CTTNBP2NL: variants seen among roughly 807,000 people sequenced by gnomAD.
CTTNBP2NL encodes CTTNBP2 N-terminal like, also known as CTTNBP2 N-terminal-like protein.
CTTNBP2NL carries 16 observed loss-of-function variants against 32.5 expected under a neutral mutation model. The ratio of observed to expected loss-of-function variants is 0.49; its 90% CI spans 0.33 to 0.75. The LOEUF is 0.75. Among genes scored for constraint, CTTNBP2NL ranks in the 30% least tolerant of loss-of-function variants. The pLI, the probability that CTTNBP2NL is intolerant of heterozygous loss-of-function variation, is 0.02. For missense variants in CTTNBP2NL, 645 were observed against 756.0 expected, an observed-to-expected ratio of 0.85 and a Z score of 1.72; for synonymous variants, 298 against 289.4, an observed-to-expected ratio of 1.03 and a Z score of -0.30.
intron 3 of CTTNBP2NL, among the ~76,000 whole-genome samples, chr1:112,430,945 A>G (rs1649551962): frequency 6.6e-6 from 1 of 152,196 alleles, no homozygotes; most frequent in Non-Finnish European, 1.5e-5. Flanking sequence ...TTATCATGTC[A>G]TCATTCATAT....
At chr1:112,420,262 C>T (rs575322818) in intron 3 of CTTNBP2NL, among the ~76,000 whole-genome samples, 1 of 151,232 alleles carries the variant, frequency 6.6e-6, no homozygotes, top group South Asian at 2.1e-4. Flanking sequence ...TCTCCTGTCT[C>T]AGCCTCCGAG....
In CTTNBP2NL at chr1:112,435,014, G is replaced by A. The variant is rs983682305; in HGVS notation, c.100-13928G>A. Among the ~76,000 whole-genome samples, 47 of 151,740 alleles carry A rather than the reference G, an allele frequency of 3.1e-4. 1 individual carries two copies. Among genetic ancestry groups the A allele is most frequent in the Admixed American group, 3.1e-3 (47 of 15,212 alleles). ...AAAAATTAGCCACACATGGTGGCAC[G>A]CACCTGTAATCCCAGCTACTCTGGA... On this transcript the variant is annotated intron_variant, in intron 3 of 5. Coordinates refer to ENST00000271277, the MANE Select transcript of CTTNBP2NL (RefSeq NM_018704.3).
chr1:112,442,672 A>G (rs1017970260), intron 3 of CTTNBP2NL, among the ~76,000 whole-genome samples: 2 of 152,082 alleles, frequency 1.3e-5, no homozygotes, highest in African/African-American at 4.8e-5. Context: ...TGAAACAGCT[A>G]CATTATTCTG....
intron 3 of CTTNBP2NL, among the ~76,000 whole-genome samples, chr1:112,444,351 T>C (rs2101026648): frequency 6.6e-6 from 1 of 152,322 alleles, no homozygotes; most frequent in East Asian, 1.9e-4. Context: ...TATTTCCTTT[T>C]GAAGTTAGGA....
At chr1:112,435,161 A>AG (rs1265055055) in intron 3 of CTTNBP2NL, among the ~76,000 whole-genome samples, 1 of 151,010 alleles carries the variant, frequency 6.6e-6, no homozygotes, top group East Asian at 1.9e-4. Context: ...AAAAAAAAAA[A>AG]AAGAAGTGTA....
At chr1:112,433,348 C>CT (rs1649630157) in intron 3 of CTTNBP2NL, among the ~76,000 whole-genome samples, 1 of 152,164 alleles carries the variant, frequency 6.6e-6, no homozygotes, top group African/African-American at 2.4e-5. Flanking sequence ...AATCCCAGCA[C>CT]TTTGGGAGGC....
At chr1:112,439,911 T>C (rs971308676) in intron 3 of CTTNBP2NL, among the ~76,000 whole-genome samples, 1 of 152,234 alleles carries the variant, frequency 6.6e-6, no homozygotes, top group Non-Finnish European at 1.5e-5. Context: ...CTCAAATAAA[T>C]TGTACTTGGT....
intron 3 of CTTNBP2NL, among the ~76,000 whole-genome samples, chr1:112,426,605 CTTT>C (rs35801433): frequency 2.3e-5 from 3 of 129,588 alleles, no homozygotes; most frequent in Non-Finnish European, 3.3e-5. Flanking sequence ...TACGGCAAAA[CTTT>C]TTTTTTTTTT....
In CTTNBP2NL at chr1:112,412,264, A is replaced by C. The variant is rs945812662; in HGVS notation, c.-63A>C. On this transcript the variant is annotated 5_prime_UTR_variant, in exon 2 of 6. Coordinates refer to ENST00000271277, the MANE Select transcript of CTTNBP2NL (RefSeq NM_018704.3). ...GGCAATTTTCCCAATTTTTTACTGAAGAAAACTGTAAGTTTATACTTGAGG... is the reference window on the plus strand; with the variant it reads ...GGCAATTTTCCCAATTTTTTACTGACGAAAACTGTAAGTTTATACTTGAGG... 5.3e-5 allele frequency: 8 copies of C among 152,196 alleles called. No homozygotes were observed. Among genetic ancestry groups the C allele is most frequent in the Non-Finnish European group, 7.3e-5 (5 of 68,028 alleles). The allele number at this position is 152,196 out of a possible 1,614,324, so 9.4% of individuals were successfully genotyped here. A position where few individuals can be genotyped will look rare whatever the true frequency, so the allele number is the denominator to read the frequency against.
chr1:112,418,234 A>G (rs1295564287), intron 3 of CTTNBP2NL, among the ~76,000 whole-genome samples: 5 of 152,158 alleles, frequency 3.3e-5, no homozygotes, highest in African/African-American at 1.2e-4. Flanking sequence ...TAAAGTTCCC[A>G]TAGGCTGTAA....
At chr1:112,411,809 A>G (rs1427780278) in intron 1 of CTTNBP2NL, among the ~76,000 whole-genome samples, 1 of 151,952 alleles carries the variant, frequency 6.6e-6, no homozygotes, top group African/African-American at 2.4e-5. Context: ...TAGCCTCGTG[A>G]GTAGCTGGGA....
chr1:112,403,732 C>G (rs555341567), intron 1 of CTTNBP2NL, among the ~76,000 whole-genome samples: 495 of 152,332 alleles, frequency 3.2e-3, no homozygotes, highest in Non-Finnish European at 5.5e-3. Flanking sequence ...AAAAACTAAT[C>G]TAAGCAGAAG....
chr1:112,418,086 T>G (rs1318350255), intron 3 of CTTNBP2NL, among the ~76,000 whole-genome samples: 1 of 152,224 alleles, frequency 6.6e-6, no homozygotes, highest in African/African-American at 2.4e-5. Context: ...AAAGCTTATC[T>G]TTTTATTTTC....
intron 1 of CTTNBP2NL, among the ~76,000 whole-genome samples, chr1:112,400,819 A>C (rs568923163): frequency 4.0e-5 from 6 of 151,898 alleles, no homozygotes; most frequent in Non-Finnish European, 8.8e-5. Flanking sequence ...ACAAAAATTA[A>C]CCAGGCATGG....
chr1:112,420,797 A>G (rs1157893378), intron 3 of CTTNBP2NL, among the ~76,000 whole-genome samples: 4 of 152,158 alleles, frequency 2.6e-5, no homozygotes, highest in Non-Finnish European at 5.9e-5. Context: ...AAGTTTATAC[A>G]TGGATTCCTG....
At position 112,457,663 on chromosome 1, in the gene CTTNBP2NL, T is replaced by G. The variant is rs538284039; in HGVS notation, c.*251T>G. 7.6e-6 allele frequency: 3 copies of G among 394,874 alleles called. No homozygotes were observed. In the South Asian group the frequency reaches 1.8e-4, roughly 24 times the overall value. 24.5% of individuals were successfully genotyped at this position (394,874 alleles called of 1,614,324 possible). A position where few individuals can be genotyped will look rare whatever the true frequency, so the allele number is the denominator to read the frequency against. ...GTCTCAAGCTCAGCAGTCACCGTCA[T>G]GTTGTGATGAAGAAAGCGAATCACC... On this transcript the variant is annotated 3_prime_UTR_variant, in exon 6 of 6. Coordinates refer to ENST00000271277, the MANE Select transcript of CTTNBP2NL (RefSeq NM_018704.3).
chr1:112,419,089 T>C lies in CTTNBP2NL; in HGVS notation c.99+2825T>C, dbSNP rs1195294989. On this transcript the variant is annotated intron_variant, in intron 3 of 5. Coordinates refer to ENST00000271277, the MANE Select transcript of CTTNBP2NL (RefSeq NM_018704.3). Reference sequence around the variant, plus strand: ...TGCGATTAACTTAAGGAGTCTTGAATTCGTTTCCATTGATGCCTCAATCAT... The same window carrying C: ...TGCGATTAACTTAAGGAGTCTTGAACTCGTTTCCATTGATGCCTCAATCAT... 2.0e-5 allele frequency among the ~76,000 whole-genome samples: 3 copies of C among 152,296 alleles called. No individual in the cohort carries two copies. In the East Asian group the frequency reaches 5.8e-4, roughly 29 times the overall value.
chr1:112,416,071 G>T, intron 2 of CTTNBP2NL, 86 bp from the exon 3 acceptor site: 2 of 741,750 alleles, frequency 2.7e-6, no homozygotes, highest in Non-Finnish European at 2.4e-6. Context: ...TACTATAATT[G>T]CTCTTATCTC....
intron 3 of CTTNBP2NL, among the ~76,000 whole-genome samples, chr1:112,435,954 T>C (rs554383790): frequency 6.6e-6 from 1 of 152,294 alleles, no homozygotes; most frequent in African/African-American, 2.4e-5. Flanking sequence ...TTTCCCAGAC[T>C]TTTTAGCTAA....
Sources: allele counts gnomAD v4.1 joint callset (sites outside exome capture counted in the v4.1 genomes callset), GRCh38; gene constraint gnomAD v4.1.1; transcripts MANE v1.5; gene names NCBI Gene and HGNC (gene_info 2026-07-23, HGNC 2026-07-21).